NUDT7: variants seen among roughly 807,000 people sequenced by gnomAD.
NUDT7 encodes the protein peroxisomal coenzyme A diphosphatase NUDT7.
A neutral mutation model predicts 13.1 loss-of-function variants in NUDT7; 19 were observed. The ratio of observed to expected loss-of-function variants is 1.45; its 90% confidence interval spans 1.01 to 2.13. The LOEUF (loss-of-function observed/expected upper bound fraction) is 2.13, where lower values mean the gene tolerates loss of function less well. Among genes scored for constraint, NUDT7 ranks in the 30% most tolerant of loss-of-function variants. The probability of loss-of-function intolerance (pLI) is 0.00; values close to 1 mark genes in which losing one functional copy is unlikely to be tolerated. For missense variants in NUDT7, 360 were observed against 291.7 expected, an observed-to-expected ratio of 1.23 and a Z score of -1.71; for synonymous variants, 132 against 109.7, an observed-to-expected ratio of 1.20 and a Z score of -1.27.
intron 2 of NUDT7, among the ~76,000 whole-genome samples, chr16:77,735,175 C>CTG (rs914678501): frequency 2.6e-5 from 4 of 151,878 alleles, no homozygotes; most frequent in African/African-American, 9.7e-5. Flanking sequence ...CAGTGTCAAT[C>CTG]TGTGTGTGTG....
intron 3 of NUDT7, among the ~76,000 whole-genome samples, chr16:77,738,889 C>T (rs2014572112): frequency 2.0e-5 from 3 of 152,236 alleles, no homozygotes; most frequent in African/African-American, 7.2e-5. Context: ...CCAGTTTCTG[C>T]CAAGTATCAG....
chr16:77,739,838 C>T (rs2145129680), intron 3 of NUDT7, among the ~76,000 whole-genome samples: 1 of 152,282 alleles, frequency 6.6e-6, no homozygotes, highest in East Asian at 1.9e-4. Flanking sequence ...TAGTCCTTAA[C>T]CAGTGACTGA....
At chr16:77,733,364 C>T (rs2014377363) in intron 2 of NUDT7, among the ~76,000 whole-genome samples, 2 of 152,160 alleles carry the variant, frequency 1.3e-5, no homozygotes, top group South Asian at 4.1e-4. Context: ...CTTTCAGTGT[C>T]CTTACAGGGA....
Position 77,735,975 on chromosome 16 carries a change from T to C in NUDT7, c.337T>C (p.Cys113Arg). Residue 113 changes from cysteine (C) to arginine (R), a missense_variant, in exon 3 of 4, where the codon TGT becomes CGT. Physicochemically the swap from Cys to Arg is radical, Grantham distance 180 (BLOSUM62 -3). Transcript: ENST00000268533. ...GGAAGTTGTCTGCTGCCTGGTGCCA[T>C]GTCTTATTGATGTAAGGGTTTCCTG... The part of the protein sequence containing the change: ...QVEVVCCLVP[C>R]LIDTDTLITP... 10 of 1,614,072 alleles carry C rather than the reference T, an allele frequency of 6.2e-6. No homozygotes were observed. Among genetic ancestry groups the C allele is most frequent in the South Asian group, 2.2e-5 (2 of 91,078 alleles).
chr16:77,735,757 G>C (rs1011795568), intron 2 of NUDT7, 71 bp from the exon 3 acceptor site: 13 of 1,380,270 alleles, frequency 9.4e-6, no homozygotes, highest in Non-Finnish European at 1.2e-5. Context: ...AGTCCAGTAA[G>C]TATTTGTTGA....
chr16:77,742,170 C>T lies in NUDT7; in HGVS notation c.*220C>T. The T allele has an allele frequency of 1.7e-6, 2 of 1,142,880 alleles. No homozygotes were observed. Among genetic ancestry groups the T allele is most frequent in the Non-Finnish European group, 1.1e-6 (1 of 901,560 alleles). 70.8% of individuals were successfully genotyped at this position (1,142,880 alleles called of 1,614,324 possible). A position where few individuals can be genotyped will look rare whatever the true frequency, so the allele number is the denominator to read the frequency against. On this transcript the variant is annotated 3_prime_UTR_variant, in exon 4 of 4. Transcript: ENST00000268533. ...TGTTCATAGTGTTGCATATTTTCAC[C>T]CACAATATGTTAATAATATTTTTCT...
chr16:77,730,357 A>C (rs1212406254), intron 2 of NUDT7, among the ~76,000 whole-genome samples: 2 of 152,122 alleles, frequency 1.3e-5, no homozygotes, highest in African/African-American at 4.8e-5. Context: ...AATATTCCAC[A>C]TATGAATGAG....
rs199743546 is a variant in NUDT7 at position 77,734,659 on chromosome 16, A to G, written c.190-1169A>G. 1.3e-4 allele frequency among the ~76,000 whole-genome samples: 20 copies of G among 152,284 alleles called. No homozygotes were observed. In the East Asian group the frequency reaches 1.7e-3, roughly 13 times the overall value. ...AAAAGAGTAGCTTACCTGCCCATCA[A>G]TGCATGAGTGGATAAACAAACTGTG... On this transcript the variant is annotated intron_variant, in intron 2 of 3. Transcript: ENST00000268533.
chr16:77,728,454 C>A (rs2014211282), intron 2 of NUDT7, among the ~76,000 whole-genome samples: 1 of 152,176 alleles, frequency 6.6e-6, no homozygotes. Context: ...CCAGGCTGAT[C>A]TTGACCTCCT....
chr16:77,728,723 C>T (rs562640043), intron 2 of NUDT7, among the ~76,000 whole-genome samples: 440 of 152,242 alleles, frequency 2.9e-3, no homozygotes, highest in Non-Finnish European at 4.3e-3. Context: ...TCTCCTTGTC[C>T]GGGTCCACCT....
chr16:77,728,505 G>A (rs1250587374), intron 2 of NUDT7, among the ~76,000 whole-genome samples: 1 of 152,304 alleles, frequency 6.6e-6, no homozygotes, highest in Admixed American at 6.5e-5. Context: ...CCAAAGTGCT[G>A]AGATGACAAG....
intron 2 of NUDT7, among the ~76,000 whole-genome samples, chr16:77,731,723 G>C (rs915819229): frequency 6.6e-6 from 1 of 152,154 alleles, no homozygotes. Context: ...TGTAGGAGAT[G>C]AGAGCTCCAT....
chr16:77,725,111 A>G (rs1018355530), intron 1 of NUDT7, among the ~76,000 whole-genome samples: 3 of 152,228 alleles, frequency 2.0e-5, no homozygotes. Context: ...CTTTTTCATC[A>G]AACCTGTCTT....
chr16:77,740,256 T>A (rs1458711896), intron 3 of NUDT7, among the ~76,000 whole-genome samples: 1 of 152,176 alleles, frequency 6.6e-6, no homozygotes, highest in Admixed American at 6.5e-5. Flanking sequence ...GTCTGAGTTG[T>A]CTCTGTTCCT....
chr16:77,724,380 G>A (rs192505270), intron 1 of NUDT7, among the ~76,000 whole-genome samples: 9 of 151,966 alleles, frequency 5.9e-5, no homozygotes, highest in Non-Finnish European at 1.0e-4. Flanking sequence ...TCCCACTTCC[G>A]CCTTCCAAGT....
At chr16:77,729,692 G>C (rs2014251321) in intron 2 of NUDT7, among the ~76,000 whole-genome samples, 1 of 152,036 alleles carries the variant, frequency 6.6e-6, no homozygotes, top group Admixed American at 6.6e-5. Context: ...GGGTGTGGTG[G>C]TGCACACCTG....
chr16:77,741,479 G>A lies in NUDT7; in HGVS notation c.349-103G>A, dbSNP rs896511456. 4 of 1,222,658 alleles carry A rather than the reference G, an allele frequency of 3.3e-6. No homozygotes were observed. The African/African-American group carries it at 4.5e-5, about 14-fold the overall frequency. 75.7% of individuals were successfully genotyped at this position (1,222,658 alleles called of 1,614,324 possible). A position where few individuals can be genotyped will look rare whatever the true frequency, so the allele number is the denominator to read the frequency against. On this transcript the variant is annotated intron_variant, in intron 3 of 3. Coordinates refer to ENST00000268533, the MANE Select transcript of NUDT7 (RefSeq NM_001105663.3). ...AATAAGCTTTCTTCCCCTTCTCCCAGGTTCGGTGTATTTTCTTAGCTCACC... is the reference window on the plus strand; with the variant it reads ...AATAAGCTTTCTTCCCCTTCTCCCAAGTTCGGTGTATTTTCTTAGCTCACC...
In NUDT7 at chr16:77,741,679, T is replaced by G. The variant is rs2014666832; in HGVS notation, c.446T>G (p.Leu149Arg). Residue 149 changes from leucine (L) to arginine (R), a missense_variant, in exon 4 of 4, where the codon CTG becomes CGG. Physicochemically the swap from Leu to Arg is moderately radical, Grantham distance 102 (BLOSUM62 -2). Transcript: ENST00000268533. ...AEVKDVFLVP[L>R]AYFLHPQVHD... ...GTTAAGGATGTATTCCTGGTGCCTCTGGCCTATTTCCTGCATCCACAGGTC... is the reference window on the plus strand; with the variant it reads ...GTTAAGGATGTATTCCTGGTGCCTCGGGCCTATTTCCTGCATCCACAGGTC... The G allele has an allele frequency of 1.2e-6, 2 of 1,614,206 alleles. No homozygotes were observed. The highest frequency in any genetic ancestry group is 4.5e-5 in the East Asian group (2 of 44,886).
intron 3 of NUDT7, chr16:77,737,285 A>T (rs1221294560): frequency 6.6e-6 from 1 of 152,154 alleles, no homozygotes; most frequent in Non-Finnish European, 1.5e-5. Context: ...GTGATAGTTT[A>T]TCAGACTTTC....
Sources: gnomAD v4.1 joint callset for allele counts (sites outside exome capture counted in the v4.1 genomes callset) on GRCh38, gnomAD v4.1.1 for gene constraint, MANE v1.5 for transcripts, NCBI Gene and HGNC (gene_info 2026-07-23, HGNC 2026-07-21) for gene names.